ZNF280D: variants seen among roughly 807,000 people sequenced by gnomAD.
The protein encoded by ZNF280D is zinc finger protein 280D, also known as suppressor of hairy wing homolog 4.
Under a neutral mutation model 94.7 loss-of-function variants are expected in ZNF280D, and 39 were observed. The ratio of observed to expected loss-of-function variants is 0.41; its 90% CI spans 0.32 to 0.54. The LOEUF is 0.54. Ranked by LOEUF, ZNF280D falls within the 20% of genes least tolerant of loss-of-function variation. The probability of loss-of-function intolerance (pLI) is 0.22; values close to 1 mark genes in which losing one functional copy is unlikely to be tolerated. For synonymous variants in ZNF280D, 398 were observed against 377.6 expected (o/e 1.05, Z -0.63); for missense variants, 1,090 against 1,149.3 (o/e 0.95, Z 0.75).
intron 20 of ZNF280D, among the ~76,000 whole-genome samples, chr15:56,637,589 G>C (rs985232695): frequency 8.5e-5 from 13 of 152,078 alleles, no homozygotes; most frequent in African/African-American, 2.9e-4. Flanking sequence ...TGTGCACACA[G>C]TACAGTGCAC....
At chr15:56,677,757 A>G in intron 11 of ZNF280D, 83 bp from the exon 12 acceptor site, 1 of 456,564 alleles carries the variant, frequency 2.2e-6, no homozygotes, top group Non-Finnish European at 3.5e-6. Flanking sequence ...CAACAACAAT[A>G]ACAGTAGCAG....
chr15:56,676,544 TA>T, intron 13 of ZNF280D, 125 bp downstream of exon 13: 1 of 742,682 alleles, frequency 1.3e-6, no homozygotes, highest in Non-Finnish European at 2.0e-6. Flanking sequence ...ACTTGAAGTG[TA>T]AATTAATAGT....
chr15:56,732,878 T>C (rs914379203), intron 1 of ZNF280D: 168 of 152,280 alleles, frequency 1.1e-3, no homozygotes, highest in African/African-American at 3.8e-3. Flanking sequence ...CCTTCTTCTG[T>C]AGACAATAAC....
chr15:56,676,894 AT>A (rs1263213435), intron 12 of ZNF280D, 78 bp from the exon 13 acceptor site: 1 of 1,135,440 alleles, frequency 8.8e-7, no homozygotes, highest in African/African-American at 1.6e-5. Context: ...ATGATGGATA[AT>A]TTGTCAGGAG....
Position 56,733,319 on chromosome 15 carries a change from C to G in ZNF280D, c.-86+139G>C, listed in dbSNP as rs548335149. On this transcript the variant is annotated intron_variant, in intron 1 of 21. Coordinates refer to ENST00000267807, the MANE Select transcript of ZNF280D (RefSeq NM_017661.4). ...CCGCCGCGCAGCCGGTCTCCTCCCCCGCGCTCTGGGCGCTCCCGACGACCC... is the reference window on the plus strand; with the variant it reads ...CCGCCGCGCAGCCGGTCTCCTCCCCGGCGCTCTGGGCGCTCCCGACGACCC... 1.1e-4 allele frequency: 40 copies of G among 361,114 alleles called. No homozygotes were observed. In the South Asian group the frequency reaches 3.9e-3, roughly 35 times the overall value. 22.4% of individuals were successfully genotyped at this position (361,114 alleles called of 1,614,324 possible). A position where few individuals can be genotyped will look rare whatever the true frequency, so the allele number is the denominator to read the frequency against.
intron 17 of ZNF280D, among the ~76,000 whole-genome samples, chr15:56,657,588 T>C (rs2053630852): frequency 6.6e-6 from 1 of 152,148 alleles, no homozygotes; most frequent in South Asian, 2.1e-4. Context: ...CACAACTCTC[T>C]AATGTCCAGT....
chr15:56,632,135 G>A lies in ZNF280D; in HGVS notation c.2316-13C>T. 1 of 1,531,938 alleles carries A rather than the reference G, an allele frequency of 6.5e-7. No homozygotes were observed. 94.9% of individuals were successfully genotyped at this position (1,531,938 alleles called of 1,614,324 possible). Reference sequence around the variant, plus strand: ...TTTATCTTGTTTACTGAAAAATAAAGTCATTTATTATGTATTTCTTCATAA... The same window carrying A: ...TTTATCTTGTTTACTGAAAAATAAAATCATTTATTATGTATTTCTTCATAA... On this transcript the variant is annotated splice_polypyrimidine_tract_variant and intron_variant, in intron 21 of 21. Coordinates refer to ENST00000267807, the MANE Select transcript of ZNF280D (RefSeq NM_017661.4).
chr15:56,679,500 A>T (rs2055474422), intron 10 of ZNF280D, among the ~76,000 whole-genome samples: 1 of 152,198 alleles, frequency 6.6e-6, no homozygotes, highest in South Asian at 2.1e-4. Context: ...TAGGCAACAT[A>T]CATTTTTCAG....
intron 16 of ZNF280D, among the ~76,000 whole-genome samples, chr15:56,661,815 T>C (rs2140792916): frequency 6.6e-6 from 1 of 152,330 alleles, no homozygotes; most frequent in East Asian, 1.9e-4. Context: ...CTATCATTAC[T>C]TGAATATCTC....
chr15:56,670,009 A>AT (rs56365440), intron 13 of ZNF280D, among the ~76,000 whole-genome samples: 8 of 2,978 alleles, frequency 2.7e-3, no homozygotes, highest in African/African-American at 0.013. Flanking sequence ...ATATATATAT[A>AT]ATATATATAT....
At chr15:56,733,262 G>A (rs1262949260) in intron 1 of ZNF280D, among the ~76,000 whole-genome samples, 196 bp downstream of exon 1, 2 of 152,076 alleles carry the variant, frequency 1.3e-5, no homozygotes, top group Non-Finnish European at 2.9e-5. Context: ...CTCCTCCCCC[G>A]CCTGGGCCGA....
chr15:56,676,302 A>C (rs539808356), intron 13 of ZNF280D, among the ~76,000 whole-genome samples: 3 of 152,254 alleles, frequency 2.0e-5, no homozygotes, highest in East Asian at 3.9e-4. Context: ...TTTCTTCCTC[A>C]GTTCAAACTC....
chr15:56,675,809 A>G (rs183438716), intron 13 of ZNF280D, among the ~76,000 whole-genome samples: 1 of 152,170 alleles, frequency 6.6e-6, no homozygotes, highest in Admixed American at 6.5e-5. Flanking sequence ...TTAATCAATA[A>G]TAAGAGAATG....
intron 1 of ZNF280D, among the ~76,000 whole-genome samples, chr15:56,731,305 C>A: frequency 6.6e-6 from 1 of 151,804 alleles, no homozygotes; most frequent in East Asian, 1.9e-4. Flanking sequence ...GAGTTTGACA[C>A]CAGCCTAGGT....
chr15:56,643,038 T>C (rs1336237065), intron 19 of ZNF280D, 41 bp from the exon 20 acceptor site: 4 of 1,294,780 alleles, frequency 3.1e-6, no homozygotes, highest in East Asian at 5.4e-5. Context: ...ATTTTATATG[T>C]ACGATGGTAA....
intron 1 of ZNF280D, among the ~76,000 whole-genome samples, chr15:56,709,463 G>C (rs1468952937): frequency 6.6e-6 from 1 of 152,072 alleles, no homozygotes; most frequent in Non-Finnish European, 1.5e-5. Flanking sequence ...ATTCCTCAAG[G>C]ATCTAGTACT....
At chr15:56,668,369 C>T (rs1474638969) in intron 14 of ZNF280D, 4 of 318,244 alleles carry the variant, frequency 1.3e-5, no homozygotes, top group South Asian at 2.4e-5. Flanking sequence ...AGCAGTAGAA[C>T]TTGCTTCTCA....
In ZNF280D at chr15:56,672,260, T is replaced by G. The variant is rs527722245; in HGVS notation, c.1411-3303A>C. On this transcript the variant is annotated intron_variant, in intron 13 of 21. Transcript: ENST00000267807. ...AGAGGGCATCCTTGTCTTGTGCTGG[T>G]TTTCAAGGGGAATGCTTCCAGCTTT... 7.5e-4 allele frequency among the ~76,000 whole-genome samples: 114 copies of G among 152,228 alleles called. 1 individual carries two copies. The highest frequency in any genetic ancestry group is 2.7e-3 in the African/African-American group (112 of 41,534).
intron 3 of ZNF280D, among the ~76,000 whole-genome samples, chr15:56,705,979 T>G (rs1317013645): frequency 2.0e-5 from 3 of 150,404 alleles, no homozygotes; most frequent in Non-Finnish European, 4.4e-5. Flanking sequence ...GGCTGAACTG[T>G]GTTTTCTCAA....
Sources: gnomAD v4.1 joint callset for allele counts (sites outside exome capture counted in the v4.1 genomes callset) on GRCh38, gnomAD v4.1.1 for gene constraint, MANE v1.5 for transcripts, NCBI Gene and HGNC (gene_info 2026-07-23, HGNC 2026-07-21) for gene names.